Variants in ACTR3C observed in about 807,000 individuals in gnomAD.
ACTR3C encodes the protein actin-related protein 3C.
Under a neutral mutation model 26.3 loss-of-function variants are expected in ACTR3C, and 18 were observed. The observed-to-expected ratio is 0.68, with a 90% CI of 0.47 to 1.01. The LOEUF (loss-of-function observed/expected upper bound fraction) is 1.01. Among genes scored for constraint, ACTR3C ranks in the 50% least tolerant of loss-of-function variants. The pLI is 0.00. For synonymous variants in ACTR3C, 55 were observed against 94.5 expected (o/e 0.58, Z 2.42); for missense variants, 184 against 250.7 (o/e 0.73, Z 1.80).
chr7:150,182,914 T>G, the ACTR3C span, among the ~76,000 whole-genome samples: 1 of 151,016 alleles, frequency 6.6e-6, no homozygotes, highest in East Asian at 1.9e-4. Flanking sequence ...TCTTTATCTT[T>G]TTAACTATCA....
chr7:150,186,156 T>C, the ACTR3C span, among the ~76,000 whole-genome samples: 1 of 152,200 alleles, frequency 6.6e-6, no homozygotes, highest in African/African-American at 2.4e-5. Context: ...CGTGCATAGA[T>C]AATTCATTAA....
chr7:150,012,167 T>C, the ACTR3C span, among the ~76,000 whole-genome samples: 2 of 152,208 alleles, frequency 1.3e-5, no homozygotes, highest in Non-Finnish European at 1.5e-5. Flanking sequence ...AACTGCTAAA[T>C]GCCTGTCCAC....
chr7:150,039,807 CTGCCT>C, the ACTR3C span, among the ~76,000 whole-genome samples: 23 of 135,806 alleles, frequency 1.7e-4, no homozygotes, highest in East Asian at 8.6e-4. Flanking sequence ...CTCTCAGTCC[CTGCCT>C]CGCGGGGGGT....
chr7:150,318,711 G>A (rs1004088590), intron 1 of ACTR3C, among the ~76,000 whole-genome samples: 5 of 152,134 alleles, frequency 3.3e-5, no homozygotes, highest in Non-Finnish European at 5.9e-5. Flanking sequence ...GCACCACTGC[G>A]CTCCAGCCTG....
chr7:149,925,973 G>C, the ACTR3C span, among the ~76,000 whole-genome samples: 2 of 152,126 alleles, frequency 1.3e-5, no homozygotes, highest in African/African-American at 2.4e-5. Context: ...TGCAGCAGGA[G>C]AATCGCTTGA....
chr7:150,205,175 T>C, the ACTR3C span, among the ~76,000 whole-genome samples: 1 of 152,350 alleles, frequency 6.6e-6, no homozygotes, highest in East Asian at 1.9e-4. Context: ...AGTTTTGTTC[T>C]AAAGGGACAG....
chr7:150,034,965 CCCA>C, the ACTR3C span, among the ~76,000 whole-genome samples: 1 of 142,252 alleles, frequency 7.0e-6, no homozygotes, highest in South Asian at 2.2e-4. Flanking sequence ...ACTCTCAGTC[CCCA>C]CTCTCGTGGG....
chr7:150,212,380 A>C, the ACTR3C span, among the ~76,000 whole-genome samples: 1 of 147,920 alleles, frequency 6.8e-6, no homozygotes, highest in African/African-American at 2.7e-5. Context: ...GATTCATTTT[A>C]TGTATTTTAC....
At chr7:150,206,162 G>T in the ACTR3C span, among the ~76,000 whole-genome samples, 1 of 152,182 alleles carries the variant, frequency 6.6e-6, no homozygotes, top group African/African-American at 2.4e-5. Context: ...TCTTCTCCCA[G>T]TGGTCATCCC....
At chr7:150,173,503 C>A in the ACTR3C span, among the ~76,000 whole-genome samples, 1 of 148,326 alleles carries the variant, frequency 6.7e-6, no homozygotes, top group Non-Finnish European at 1.5e-5. Flanking sequence ...GGAAGTGGCC[C>A]AGGAAACCAT....
At chr7:150,016,242 T>C in the ACTR3C span, among the ~76,000 whole-genome samples, 2 of 152,110 alleles carry the variant, frequency 1.3e-5, no homozygotes, top group Non-Finnish European at 1.5e-5. Flanking sequence ...CCCTTGTCTT[T>C]CTATTTTTTA....
At chr7:149,903,894 G>GT in the ACTR3C span, among the ~76,000 whole-genome samples, 25 of 32,840 alleles carry the variant, frequency 7.6e-4, 1 homozygote, top group African/African-American at 1.5e-3. Flanking sequence ...GTTGTTGTTT[G>GT]TTGTTGCTGG....
At chr7:150,036,163 C>A in the ACTR3C span, among the ~76,000 whole-genome samples, 6 of 136,082 alleles carry the variant, frequency 4.4e-5, 1 homozygote, top group East Asian at 1.2e-3. Flanking sequence ...GGGGTGCCTC[C>A]CCCCCCGCGA....
chr7:149,900,014 A>G, the ACTR3C span, among the ~76,000 whole-genome samples: 1 of 139,334 alleles, frequency 7.2e-6, no homozygotes, highest in East Asian at 2.1e-4. Context: ...CTGTCCATCC[A>G]GAATTCTATG....
the ACTR3C span, among the ~76,000 whole-genome samples, chr7:150,123,693 C>T: frequency 6.6e-6 from 1 of 151,898 alleles, no homozygotes; most frequent in African/African-American, 2.4e-5. Flanking sequence ...AGTCTAGAGA[C>T]TCCTAGAGAG....
At chr7:149,968,250 T>A in the ACTR3C span, among the ~76,000 whole-genome samples, 3 of 152,180 alleles carry the variant, frequency 2.0e-5, no homozygotes, top group Admixed American at 6.5e-5. Context: ...ATGTATTTTT[T>A]AAAAATAGTC....
the ACTR3C span, among the ~76,000 whole-genome samples, chr7:150,237,581 G>A: frequency 1.3e-5 from 2 of 152,086 alleles, no homozygotes; most frequent in East Asian, 1.9e-4. Context: ...GGGTGGTCAC[G>A]GTAACGCCCT....
At chr7:150,221,915 G>A in the ACTR3C span, among the ~76,000 whole-genome samples, 3 of 149,964 alleles carry the variant, frequency 2.0e-5, no homozygotes, top group Admixed American at 6.6e-5. Flanking sequence ...AGAGAATGGC[G>A]TGAACCCGGG....
chr7:150,093,648 G>C, the ACTR3C span, among the ~76,000 whole-genome samples: 2 of 150,838 alleles, frequency 1.3e-5, no homozygotes, highest in African/African-American at 5.0e-5. Context: ...ACTAGGCTCT[G>C]TACACAGCCA....
Sources: allele counts gnomAD v4.1 joint callset (sites outside exome capture counted in the v4.1 genomes callset), GRCh38; gene constraint gnomAD v4.1.1; transcripts MANE v1.5; gene names NCBI Gene and HGNC (gene_info 2026-07-23, HGNC 2026-07-21).